The following PDZD4 variants were observed in gnomAD, a reference collection of about 807,000 sequenced individuals.
PDZD4 encodes PDZ domain-containing protein 4.
A neutral mutation model predicts 38.5 loss-of-function variants in PDZD4; 9 were observed. The ratio of observed to expected loss-of-function variants is 0.23; its 90% CI spans 0.14 to 0.41. PDZD4 has a LOEUF of 0.41. Ranked by LOEUF, PDZD4 falls within the 10% of genes least tolerant of loss-of-function variation. PDZD4 has a pLI of 1.00. For synonymous variants in PDZD4, 349 were observed against 315.7 expected (o/e 1.11, Z -1.12); for missense variants, 612 against 722.0 (o/e 0.85, Z 1.75).
chrX:153,808,205 G>A (rs1169683515), intron 2 of PDZD4, 137 bp downstream of exon 2: 15 of 1,069,136 alleles, frequency 1.4e-5, no homozygotes, highest in Non-Finnish European at 1.8e-5. Context: ...GGAGGTTTTG[G>A]AGCCCTTGGG....
At chrX:153,804,944 A>AGGGATGTCAC (rs1213600326) in intron 7 of PDZD4, 44 bp from the exon 8 acceptor site, 14 of 1,166,544 alleles carry the variant, frequency 1.2e-5, no homozygotes, top group Non-Finnish European at 1.6e-5. Context: ...TCCCACGGAC[A>AGGGATGTCAC]GGGATGTCAC....
chrX:153,818,329 C>T (rs1288757898), intron 1 of PDZD4, among the ~76,000 whole-genome samples: 2 of 110,607 alleles, frequency 1.8e-5, no homozygotes, highest in African/African-American at 6.6e-5. Flanking sequence ...AGGGGGCAGG[C>T]GGTAGGGCTG....
chrX:153,823,826 C>T (rs900008586), intron 1 of PDZD4, among the ~76,000 whole-genome samples: 1 of 112,718 alleles, frequency 8.9e-6, no homozygotes, highest in Admixed American at 9.3e-5. Flanking sequence ...GCCAGTGGGC[C>T]ATGCAGCGAC....
At chrX:153,807,447 C>G in intron 2 of PDZD4, 78 bp from the exon 3 acceptor site, 3 of 1,002,353 alleles carry the variant, frequency 3.0e-6, no homozygotes, top group Non-Finnish European at 4.1e-6. Context: ...CAGGCCGATC[C>G]CAGCGTGCCT....
In PDZD4 at chrX:153,803,786, A is replaced by G; in HGVS notation, c.1895T>C (p.Val632Ala). The change falls in exon 8 of 8, where the codon GTG (valine) becomes GCG (alanine). Residue 632 changes from valine (V) to alanine (A), a missense_variant. Val to Ala is a moderately conservative substitution (Grantham distance 64, BLOSUM62 0). This residue lies in a region of PDZD4 where 300 missense variants were observed against 284.6 expected (regional missense o/e 1.05). Transcript: ENST00000393758. ...ATEAPRMEWKVKVRSDGTRYV... is the reference protein window; with the variant it reads ...ATEAPRMEWKAKVRSDGTRYV... ...GCGGGTTCCGTCGCTGCGCACCTTC[A>G]CTTTCCACTCCATGCGCGGTGCTTC... is the stretch of plus-strand genomic sequence containing the variant. The G allele has an allele frequency of 8.3e-7, 1 of 1,205,550 alleles. No individual in the cohort carries two copies. Among genetic ancestry groups the G allele is most frequent in the Non-Finnish European group, 1.1e-6 (1 of 894,591 alleles).
At position 153,803,213 on chromosome X, in the gene PDZD4, CACCCA is replaced by C; in HGVS notation, c.*135_*139del. 2 of 367,450 alleles carry C rather than the reference CACCCA, an allele frequency of 5.4e-6. No homozygotes were observed. The highest frequency in any genetic ancestry group is 1.3e-4 in the South Asian group (1 of 7,742). 30.3% of individuals were successfully genotyped at this position (367,450 alleles called of 1,213,427 possible). A position where few individuals can be genotyped will look rare whatever the true frequency, so the allele number is the denominator to read the frequency against. On this transcript the variant is annotated 3_prime_UTR_variant, in exon 8 of 8. Transcript: ENST00000393758. Reference sequence around the variant, plus strand: ...CTCTGCTAACAAAGCCCTGTGCGCACACCCAGACGAGGAGATGTGTGCGTGCGCAC... The same window carrying C: ...CTCTGCTAACAAAGCCCTGTGCGCACGACGAGGAGATGTGTGCGTGCGCAC...
At chrX:153,827,504 T>A (rs1557082781) in intron 1 of PDZD4, among the ~76,000 whole-genome samples, 1 of 112,621 alleles carries the variant, frequency 8.9e-6, no homozygotes, top group Non-Finnish European at 1.9e-5. Context: ...AATGGATAAA[T>A]ATGTTGTATA....
chrX:153,816,890 CAG>C (rs1485799424), intron 1 of PDZD4, among the ~76,000 whole-genome samples: 1 of 111,394 alleles, frequency 9.0e-6, no homozygotes, highest in Non-Finnish European at 1.9e-5. Flanking sequence ...GGGATGTGGT[CAG>C]AGTCAGCTTG....
In PDZD4 at chrX:153,820,381, C is replaced by T. The variant is rs940541008; in HGVS notation, c.60+9858G>A. The stretch of plus-strand genomic sequence containing the variant: ...AAAAAAAAAAAAAAAAAAAGCGAGG[C>T]GTGGTGGTGCAGCCTATGGTCCCAG... On this transcript the variant is annotated intron_variant, in intron 1 of 7. Coordinates refer to ENST00000393758, the MANE Select transcript of PDZD4 (RefSeq NM_001303512.2). Among the ~76,000 whole-genome samples, 291 of 81,428 alleles carry T rather than the reference C, an allele frequency of 3.6e-3. 1 individual carries two copies. The highest frequency in any genetic ancestry group is 0.012 in the African/African-American group (258 of 20,821). 70.7% of individuals were successfully genotyped at this position (81,428 alleles called of 115,157 possible).
At chrX:153,818,738 T>C (rs1167352017) in intron 1 of PDZD4, among the ~76,000 whole-genome samples, 1 of 111,389 alleles carries the variant, frequency 9.0e-6, no homozygotes, top group African/African-American at 3.3e-5. Context: ...CGACACAGCC[T>C]TCCGGAGCTT....
At chrX:153,809,600 T>A (rs2064288990) in intron 1 of PDZD4, among the ~76,000 whole-genome samples, 1 of 112,265 alleles carries the variant, frequency 8.9e-6, no homozygotes. Flanking sequence ...GAAAAAAAAA[T>A]GCCACTACTG....
intron 1 of PDZD4, among the ~76,000 whole-genome samples, chrX:153,826,141 C>T (rs782740908): frequency 9.8e-4 from 101 of 102,827 alleles, no homozygotes; most frequent in African/African-American, 3.5e-3. Context: ...CACTTGAACC[C>T]GGGAGGCGGA....
At chrX:153,812,819 G>A (rs1170701641) in intron 1 of PDZD4, among the ~76,000 whole-genome samples, 3 of 106,931 alleles carry the variant, frequency 2.8e-5, no homozygotes, top group African/African-American at 3.4e-5. Context: ...TTGCCTCCCC[G>A]CCCCACCCCC....
At chrX:153,826,972 C>T (rs1001574116) in intron 1 of PDZD4, among the ~76,000 whole-genome samples, 3 of 111,950 alleles carry the variant, frequency 2.7e-5, no homozygotes, top group Non-Finnish European at 3.8e-5. Flanking sequence ...AATTAACAAC[C>T]TGATCCTGAA....
rs1557075236 is a variant in PDZD4 at position 153,803,351 on chromosome X, G to A, written c.*2C>T. On this transcript the variant is annotated 3_prime_UTR_variant, in exon 8 of 8. Coordinates refer to ENST00000393758, the MANE Select transcript of PDZD4 (RefSeq NM_001303512.2). ...CCTGGGCCGTGTACCCGCCCGGGCA[G>A]CTCACACGGTGGTGACTGAGAGAAG... The A allele has an allele frequency of 4.4e-6, 5 of 1,132,423 alleles. No homozygotes were observed. Among genetic ancestry groups the A allele is most frequent in the South Asian group, 2.2e-5 (1 of 46,213 alleles). 93.3% of individuals were successfully genotyped at this position (1,132,423 alleles called of 1,213,427 possible).
At chrX:153,808,648 C>G (rs2064279990) in intron 1 of PDZD4, 53 bp from the exon 2 acceptor site, 2 of 1,100,721 alleles carry the variant, frequency 1.8e-6, no homozygotes, top group African/African-American at 1.9e-5. Flanking sequence ...CTCCTCCCCT[C>G]TGAGGTCAAG....
intron 1 of PDZD4, among the ~76,000 whole-genome samples, chrX:153,823,482 T>C (rs2064448830): frequency 9.1e-6 from 1 of 109,722 alleles, no homozygotes; most frequent in African/African-American, 3.3e-5. Flanking sequence ...CCTCCCAAAG[T>C]GCTGGGATTA....
At chrX:153,822,881 G>T (rs1402517932) in intron 1 of PDZD4, among the ~76,000 whole-genome samples, 1 of 110,131 alleles carries the variant, frequency 9.1e-6, no homozygotes, top group African/African-American at 3.3e-5. Flanking sequence ...TCAATATGTT[G>T]CCCAGGCTGT....
Position 153,804,050 on chromosome X carries a change from C to G in PDZD4, c.1631G>C (p.Arg544Pro). Residue 544 changes from arginine (R) to proline (P), a missense_variant, in exon 8 of 8, where the codon CGG (arginine) becomes CCG (proline). Physicochemically the swap from Arg to Pro is moderately radical, Grantham distance 103. Around this residue, in one of 3 missense-constraint regions of PDZD4, gnomAD observed 300 missense variants for 284.6 expected, o/e 1.05. Transcript: ENST00000393758. ...RSLSRDPEAGRRQHAEERGRR... is the reference protein window; with the variant it reads ...RSLSRDPEAGPRQHAEERGRR... ...GCCGCGCTCCTCCGCGTGCTGCCTC[C>G]GGCCGGCCTCAGGATCCCGGGAGAG... 1 of 1,159,156 alleles carries G rather than the reference C, an allele frequency of 8.6e-7. No individual in the cohort carries two copies. The highest frequency in any genetic ancestry group is 1.1e-6 in the Non-Finnish European group (1 of 871,745).
Sources: allele counts gnomAD v4.1 joint callset (sites outside exome capture counted in the v4.1 genomes callset), GRCh38; gene constraint gnomAD v4.1.1; regional missense constraint gnomAD v4.1.1; transcripts MANE v1.5; gene names NCBI Gene and HGNC (gene_info 2026-07-23, HGNC 2026-07-21).